Variants in GABRG1 observed in about 807,000 individuals in gnomAD.
GABRG1 encodes the protein gamma-aminobutyric acid type A receptor subunit gamma1.
A neutral mutation model predicts 49.8 loss-of-function variants in GABRG1; 49 were observed. The ratio of observed to expected loss-of-function variants is 0.98; its 90% CI spans 0.78 to 1.25. The LOEUF (loss-of-function observed/expected upper bound fraction) is 1.25, where lower values mean the gene tolerates loss of function less well. GABRG1 is among the 50% of genes most tolerant of loss of function. The pLI, the probability that GABRG1 is intolerant of heterozygous loss-of-function variation, is 0.00. For missense variants in GABRG1, 552 were observed against 552.3 expected (o/e 1.00, Z 0.01); for synonymous variants, 232 against 185.1 (o/e 1.25, Z -2.06).
intron 2 of GABRG1, among the ~76,000 whole-genome samples, chr4:46,093,224 T>A (rs1006794630): frequency 1.3e-5 from 2 of 152,024 alleles, no homozygotes; most frequent in Non-Finnish European, 2.9e-5. Flanking sequence ...GGTGTAACCA[T>A]CGCAAAGAAA....
chr4:46,118,549 T>C (rs1485928760), intron 1 of GABRG1, among the ~76,000 whole-genome samples: 1 of 151,138 alleles, frequency 6.6e-6, no homozygotes, highest in Non-Finnish European at 1.5e-5. Context: ...TCATCTAGCA[T>C]ATAATATATG....
intron 1 of GABRG1, among the ~76,000 whole-genome samples, chr4:46,110,390 C>A (rs552012433): frequency 6.6e-6 from 1 of 151,032 alleles, no homozygotes; most frequent in East Asian, 2.0e-4. Flanking sequence ...TTATTTTGAG[C>A]TGATGGGCAT....
intron 3 of GABRG1, among the ~76,000 whole-genome samples, chr4:46,082,504 G>C (rs1719612879): frequency 6.6e-6 from 1 of 151,730 alleles, no homozygotes; most frequent in Non-Finnish European, 1.5e-5. Flanking sequence ...TATTCTCAGG[G>C]ATCCATGGCA....
chr4:46,037,547 G>A lies in GABRG1; in HGVS notation c.*3441C>T, dbSNP rs1717577655. 6.6e-6 allele frequency: 1 copy of A among 151,696 alleles called. No individual in the cohort carries two copies. The highest frequency in any genetic ancestry group is 1.5e-5 in the Non-Finnish European group (1 of 67,828). The allele number at this position is 151,696 out of a possible 1,614,324, so 9.4% of individuals were successfully genotyped here. ...ATAAATGTTTCTAGTGAGACAAGCA[G>A]TAAAGGCTTAAGAGTCTACTGGGTA... On this transcript the variant is annotated 3_prime_UTR_variant, in exon 9 of 9. Coordinates refer to ENST00000295452, the MANE Select transcript of GABRG1 (RefSeq NM_173536.4).
intron 3 of GABRG1, among the ~76,000 whole-genome samples, chr4:46,079,903 A>T (rs531996731): frequency 6.6e-6 from 1 of 152,028 alleles, no homozygotes; most frequent in African/African-American, 2.4e-5. Context: ...CATAAACTCT[A>T]GTAACATGTT....
chr4:46,113,714 T>C (rs2109442537), intron 1 of GABRG1, among the ~76,000 whole-genome samples: 1 of 151,256 alleles, frequency 6.6e-6, no homozygotes, highest in Admixed American at 6.6e-5. Context: ...AACTCCAAAA[T>C]GGTAGAAGGT....
At chr4:46,092,530 G>A (rs1005613445) in intron 2 of GABRG1, among the ~76,000 whole-genome samples, 1 of 151,824 alleles carries the variant, frequency 6.6e-6, no homozygotes, top group Admixed American at 6.6e-5. Context: ...AAAAATATAA[G>A]CAATAGAGAA....
At chr4:46,101,615 C>A (rs773899233) in intron 1 of GABRG1, among the ~76,000 whole-genome samples, 16 of 151,608 alleles carry the variant, frequency 1.1e-4, no homozygotes, top group Non-Finnish European at 1.9e-4. Flanking sequence ...AAATTATAAT[C>A]TTGATCTAGA....
chr4:46,124,053 T>A lies in GABRG1; in HGVS notation c.-140A>T. 1 of 634,296 alleles carries A rather than the reference T, an allele frequency of 1.6e-6. No homozygotes were observed. Among genetic ancestry groups the A allele is most frequent in the South Asian group, 2.0e-5 (1 of 51,132 alleles). The allele number at this position is 634,296 out of a possible 1,614,324, so 39.3% of individuals were successfully genotyped here. A position where few individuals can be genotyped will look rare whatever the true frequency, so the allele number is the denominator to read the frequency against. The stretch of plus-strand genomic sequence containing the variant: ...ACCTCCCAAACAGGTAGGATGCGAC[T>A]CCCAGCAGAATTGAGCCAGGGAGCC... On this transcript the variant is annotated 5_prime_UTR_variant, in exon 1 of 9. Transcript: ENST00000295452.
At chr4:46,080,288 A>T (rs1719515517) in intron 3 of GABRG1, among the ~76,000 whole-genome samples, 1 of 151,816 alleles carries the variant, frequency 6.6e-6, no homozygotes, top group African/African-American at 2.4e-5. Context: ...AATATGCTCA[A>T]ATCTGCTTCC....
At chr4:46,090,774 T>C (rs1201261798) in intron 2 of GABRG1, among the ~76,000 whole-genome samples, 1 of 152,020 alleles carries the variant, frequency 6.6e-6, no homozygotes, top group Non-Finnish European at 1.5e-5. Context: ...TCTACATTAC[T>C]CTTTGGCCAC....
At chr4:46,049,416 C>A (rs2109396046) in intron 8 of GABRG1, among the ~76,000 whole-genome samples, 1 of 151,836 alleles carries the variant, frequency 6.6e-6, no homozygotes, top group Non-Finnish European at 1.5e-5. Flanking sequence ...TGAAAGAGCT[C>A]ATAAAGCACA....
intron 8 of GABRG1, among the ~76,000 whole-genome samples, chr4:46,049,776 G>A (rs1002826727): frequency 5.3e-5 from 8 of 151,902 alleles, no homozygotes; most frequent in African/African-American, 1.9e-4. Context: ...GAGTAAGTGT[G>A]CCATTGGAAC....
intron 8 of GABRG1, among the ~76,000 whole-genome samples, chr4:46,047,972 T>A (rs1241462537): frequency 1.3e-5 from 2 of 151,994 alleles, no homozygotes; most frequent in African/African-American, 4.8e-5. Context: ...CTTAATAAAA[T>A]CAGGAAACTA....
intron 3 of GABRG1, among the ~76,000 whole-genome samples, chr4:46,072,798 G>A (rs564933870): frequency 2.7e-4 from 40 of 150,774 alleles, no homozygotes; most frequent in Non-Finnish European, 5.1e-4. Flanking sequence ...TCGCATGTGC[G>A]ATGAATTTTT....
chr4:46,119,081 C>T (rs1420640517), intron 1 of GABRG1, among the ~76,000 whole-genome samples: 1 of 149,572 alleles, frequency 6.7e-6, no homozygotes, highest in Admixed American at 6.6e-5. Flanking sequence ...AAAAATTTTG[C>T]TTTTAAGTTA....
chr4:46,090,522 T>A (rs571958523), intron 2 of GABRG1, among the ~76,000 whole-genome samples: 1 of 152,168 alleles, frequency 6.6e-6, no homozygotes, highest in East Asian at 1.9e-4. Flanking sequence ...GAACTATATA[T>A]AGTTCTCTAT....
At chr4:46,067,979 C>T (rs542258436) in intron 3 of GABRG1, among the ~76,000 whole-genome samples, 1 of 152,196 alleles carries the variant, frequency 6.6e-6, no homozygotes, top group East Asian at 1.9e-4. Flanking sequence ...CCCCACTCTG[C>T]CTGCCTGTGT....
chr4:46,035,863 C>T lies in GABRG1; in HGVS notation c.*5125G>A, dbSNP rs1014490607. On this transcript the variant is annotated 3_prime_UTR_variant, in exon 9 of 9. Transcript: ENST00000295452. ...TAAAGAACACTGAAAAATTGAGACA[C>T]CTTTGCCACAAAATTACAAATGTTC... 3 of 151,824 alleles carry T rather than the reference C, an allele frequency of 2.0e-5. No homozygotes were observed. Among genetic ancestry groups the T allele is most frequent in the East Asian group, 1.9e-4 (1 of 5,170 alleles). The allele number at this position is 151,824 out of a possible 1,614,324, so 9.4% of individuals were successfully genotyped here. A position where few individuals can be genotyped will look rare whatever the true frequency, so the allele number is the denominator to read the frequency against.
Sources: allele counts gnomAD v4.1 joint callset (sites outside exome capture counted in the v4.1 genomes callset), GRCh38; gene constraint gnomAD v4.1.1; transcripts MANE v1.5; gene names NCBI Gene and HGNC (gene_info 2026-07-23, HGNC 2026-07-21).